Variants in ABHD12 observed in about 807,000 individuals in gnomAD.
The protein encoded by ABHD12 is lysophosphatidylserine lipase ABHD12.
ABHD12 carries 43 observed loss-of-function variants against 58.3 expected under a neutral mutation model. The ratio of observed to expected loss-of-function variants is 0.74; its 90% CI spans 0.58 to 0.95. ABHD12 has a LOEUF of 0.95. Among genes scored for constraint, ABHD12 ranks in the 40% least tolerant of loss-of-function variants. The pLI is 0.00. For missense variants in ABHD12, 539 were observed against 537.2 expected, an observed-to-expected ratio of 1.00 and a Z score of -0.03; for synonymous variants, 219 against 211.2, an observed-to-expected ratio of 1.04 and a Z score of -0.32.
rs998976285 is a variant in ABHD12, at chr20:25,358,181, C to A, written c.192-18830G>T. Among the ~76,000 whole-genome samples, 6 of 152,088 alleles carry A rather than the reference C, an allele frequency of 3.9e-5. No homozygotes were observed. In the South Asian group the frequency reaches 1.2e-3, roughly 32 times the overall value. ...CTTTGACCCATCAAATCTCAAATTACGCTAAATAATTGGACACTAACAAAG... is the reference window on the plus strand; with the variant it reads ...CTTTGACCCATCAAATCTCAAATTAAGCTAAATAATTGGACACTAACAAAG... On this transcript the variant is annotated intron_variant, in intron 1 of 12. Coordinates refer to ENST00000339157, the MANE Select transcript of ABHD12 (RefSeq NM_001042472.3).
intron 11 of ABHD12, chr20:25,303,298 T>G (rs375260583): frequency 7.5e-7 from 1 of 1,325,726 alleles, no homozygotes; most frequent in African/African-American, 1.7e-5. Flanking sequence ...TGCTTATTTT[T>G]CATATTCTTG....
rs761743663 is a variant in ABHD12, at chr20:25,300,816, G to A, written c.*29C>T. The A allele has an allele frequency of 1.9e-6, 3 of 1,614,082 alleles. No homozygotes were observed. The highest frequency in any genetic ancestry group is 1.1e-5 in the South Asian group (1 of 91,082). ...GGAGGAAAACGGGAGGAGGGCAGAGGTCTTCATGCTTCCTTCCCACGGCCA... is the reference window on the plus strand; with the variant it reads ...GGAGGAAAACGGGAGGAGGGCAGAGATCTTCATGCTTCCTTCCCACGGCCA... On this transcript the variant is annotated 3_prime_UTR_variant, in exon 13 of 13. Transcript: ENST00000339157.
chr20:25,294,984 C>G, exon 13 of ABHD12: 1 of 1,614,222 alleles, frequency 6.2e-7, no homozygotes. Context: ...CACACCAGCT[C>G]TGACCACATG....
intron 1 of ABHD12, among the ~76,000 whole-genome samples, chr20:25,360,821 G>A (rs1050862726): frequency 3.9e-5 from 6 of 152,212 alleles, no homozygotes; most frequent in Admixed American, 2.0e-4. Flanking sequence ...GCCAGGATCA[G>A]GCGGACAACT....
intron 1 of ABHD12, among the ~76,000 whole-genome samples, chr20:25,366,557 C>T (rs1180463171): frequency 6.6e-6 from 1 of 152,176 alleles, no homozygotes; most frequent in Non-Finnish European, 1.5e-5. Flanking sequence ...TGAACCACTG[C>T]ACCCATTTTT....
intron 1 of ABHD12, among the ~76,000 whole-genome samples, chr20:25,372,184 C>A (rs988954899): frequency 2.6e-5 from 4 of 151,608 alleles, no homozygotes; most frequent in Non-Finnish European, 5.9e-5. Context: ...TTTCTTAAAG[C>A]ATGGGTCTGC....
intron 8 of ABHD12, 48 bp from the exon 9 acceptor site, chr20:25,308,093 A>C (rs770107197): frequency 4.6e-6 from 6 of 1,310,278 alleles, no homozygotes; most frequent in Non-Finnish European, 6.6e-6. Flanking sequence ...AGCCAGCGAC[A>C]TACATGTGGC....
At chr20:25,304,740 T>C (rs2088703528) in intron 10 of ABHD12, among the ~76,000 whole-genome samples, 1 of 147,536 alleles carries the variant, frequency 6.8e-6, no homozygotes, top group Non-Finnish European at 1.5e-5. Flanking sequence ...GCTAATTGTT[T>C]TGTATTTTAG....
At chr20:25,388,186 G>T (rs186403410) in intron 1 of ABHD12, among the ~76,000 whole-genome samples, 1 of 151,524 alleles carries the variant, frequency 6.6e-6, no homozygotes, top group Non-Finnish European at 1.5e-5. Flanking sequence ...CTACTTCCAC[G>T]TATGTCGACA....
At chr20:25,347,005 C>G (rs1430132821) in intron 1 of ABHD12, among the ~76,000 whole-genome samples, 1 of 152,110 alleles carries the variant, frequency 6.6e-6, no homozygotes, top group East Asian at 1.9e-4. Flanking sequence ...TGTCAAGTGT[C>G]TTTGGACTCC....
At chr20:25,314,657 T>C (rs2088926445) in intron 6 of ABHD12, among the ~76,000 whole-genome samples, 1 of 147,592 alleles carries the variant, frequency 6.8e-6, no homozygotes. Flanking sequence ...CCAGGTTGGG[T>C]GACAAAGTGA....
intron 5 of ABHD12, among the ~76,000 whole-genome samples, chr20:25,315,970 C>G (rs546447733): frequency 2.0e-5 from 3 of 152,300 alleles, no homozygotes; most frequent in Admixed American, 6.5e-5. Flanking sequence ...AGATGAAGAA[C>G]AAAACCAAGC....
chr20:25,372,255 T>C (rs1385537168), intron 1 of ABHD12, among the ~76,000 whole-genome samples: 1 of 152,020 alleles, frequency 6.6e-6, no homozygotes. Context: ...TCTTACTCTG[T>C]CACCTGCGCT....
chr20:25,387,049 G>C (rs1189144356), intron 1 of ABHD12, among the ~76,000 whole-genome samples: 1 of 152,008 alleles, frequency 6.6e-6, no homozygotes, highest in Non-Finnish European at 1.5e-5. Context: ...ATGTACACTG[G>C]CATTTGAGAA....
chr20:25,363,281 C>CA (rs1267554077), intron 1 of ABHD12, among the ~76,000 whole-genome samples: 1 of 145,580 alleles, frequency 6.9e-6, no homozygotes, highest in African/African-American at 2.6e-5. Context: ...TGCAGTGGTG[C>CA]AATCTTGGCT....
intron 6 of ABHD12, 117 bp from the exon 7 acceptor site, chr20:25,309,692 C>T: frequency 1.3e-6 from 2 of 1,494,324 alleles, no homozygotes; most frequent in Non-Finnish European, 1.8e-6. Context: ...CCGCTTGGCC[C>T]ACCCTTCCAG....
At chr20:25,346,696 G>C (rs2089523175) in intron 1 of ABHD12, among the ~76,000 whole-genome samples, 1 of 152,178 alleles carries the variant, frequency 6.6e-6, no homozygotes, top group African/African-American at 2.4e-5. Context: ...CCAGGCTAGA[G>C]TGCAGTGGCG....
intron 1 of ABHD12, among the ~76,000 whole-genome samples, chr20:25,388,198 TAAAG>T (rs2090120109): frequency 1.3e-5 from 2 of 151,794 alleles, no homozygotes; most frequent in East Asian, 1.9e-4. Flanking sequence ...ATGTCGACAA[TAAAG>T]AGTTTAAAAA....
At chr20:25,299,244 A>AG (rs201761266), downstream of ABHD12, among the ~76,000 whole-genome samples, 1 of 151,856 alleles carries the variant, frequency 6.6e-6, no homozygotes, top group East Asian at 2.0e-4. Context: ...AAAACATACA[A>AG]GAATTAGCTG....
Sources: allele counts gnomAD v4.1 joint callset (sites outside exome capture counted in the v4.1 genomes callset), GRCh38; gene constraint gnomAD v4.1.1; transcripts MANE v1.5; gene names NCBI Gene and HGNC (gene_info 2026-07-23, HGNC 2026-07-21).